HDGF: variants seen among roughly 807,000 people sequenced by gnomAD.
HDGF encodes the protein hepatoma-derived growth factor.
HDGF carries 5 observed loss-of-function variants against 30.0 expected under a neutral mutation model. The observed-to-expected ratio is 0.17, with a 90% confidence interval of 0.09 to 0.35. HDGF has a LOEUF of 0.35. Among genes scored for constraint, HDGF ranks in the 10% least tolerant of loss-of-function variants. The pLI is 1.00. For missense variants in HDGF, 214 were observed against 302.8 expected, an observed-to-expected ratio of 0.71 and a Z score of 2.18; for synonymous variants, 133 against 112.7, an observed-to-expected ratio of 1.18 and a Z score of -1.14.
At chr1:156,759,494 T>C (rs1225767265) in intron 1 of HDGF, among the ~76,000 whole-genome samples, 1 of 150,186 alleles carries the variant, frequency 6.7e-6, no homozygotes, top group African/African-American at 2.5e-5. Context: ...TTTTTTTTTT[T>C]TTTTTGAGAT....
rs906215912 is a variant in HDGF, at chr1:156,751,055, A to G, written c.87+288T>C. Among the ~76,000 whole-genome samples the G allele has an allele frequency of 6.6e-6, 1 of 151,782 alleles. No homozygotes were observed. The highest frequency in any genetic ancestry group is 1.5e-5 in the Non-Finnish European group (1 of 67,926). On this transcript the variant is annotated intron_variant, in intron 1 of 5. Coordinates refer to ENST00000357325, the MANE Select transcript of HDGF (RefSeq NM_004494.3). The surrounding 1 kb of genome is among the most constrained non-coding windows in gnomAD (Gnocchi z 4.7). ...AGTATGGGGGCTGGGGGCGGAACTG[A>G]GCACGCGGAGCTGGGGGCCGGGAAG...
At chr1:156,762,657 G>A (rs1348982723) in intron 1 of HDGF, among the ~76,000 whole-genome samples, 3 of 151,934 alleles carry the variant, frequency 2.0e-5, no homozygotes, top group African/African-American at 7.3e-5. Flanking sequence ...GATCACCTGA[G>A]GTCAGGAGTT....
intron 4 of HDGF, 88 bp from the exon 5 acceptor site, chr1:156,743,966 G>T: frequency 8.8e-7 from 1 of 1,131,424 alleles, no homozygotes; most frequent in Non-Finnish European, 1.3e-6. Context: ...TCCTTCCCAG[G>T]CTGACACCCA....
At chr1:156,748,753 C>A (rs1396522986) in intron 1 of HDGF, among the ~76,000 whole-genome samples, 1 of 152,214 alleles carries the variant, frequency 6.6e-6, no homozygotes, top group East Asian at 1.9e-4. Context: ...TAAGCACACA[C>A]TGGCTACCAG....
chr1:156,761,006 A>G (rs143066111), intron 1 of HDGF, among the ~76,000 whole-genome samples: 65 of 152,096 alleles, frequency 4.3e-4, no homozygotes, highest in African/African-American at 1.3e-3. Flanking sequence ...CCTGGGCTAC[A>G]TGGCAAAAAT....
rs1393348340 is a variant in HDGF at position 156,751,657 on chromosome 1, G to T, written c.-228C>A. 9.7e-7 allele frequency: 1 copy of T among 1,036,220 alleles called. No homozygotes were observed. Among genetic ancestry groups the T allele is most frequent in the African/African-American group, 1.7e-5 (1 of 58,090 alleles). 64.2% of individuals were successfully genotyped at this position (1,036,220 alleles called of 1,614,324 possible). A position where few individuals can be genotyped will look rare whatever the true frequency, so the allele number is the denominator to read the frequency against. ...GCTCCGGCGCGGTGGGTGCGCGCTC[G>T]TGCAGTTGTTTGTGTTTGAAATTCA... On this transcript the variant is annotated 5_prime_UTR_variant, in exon 1 of 6. Transcript: ENST00000357325. This position sits in a 1 kb window ranked among gnomAD's most constrained non-coding sequence, Gnocchi z 4.7.
intron 1 of HDGF, among the ~76,000 whole-genome samples, chr1:156,765,092 G>A (rs948684070): frequency 1.4e-5 from 2 of 146,762 alleles, no homozygotes; most frequent in African/African-American, 2.5e-5. Flanking sequence ...CGCCCCCCCC[G>A]CCCTTTTTTT....
In HDGF at chr1:156,751,574, G is replaced by A; in HGVS notation, c.-145C>T. On this transcript the variant is annotated 5_prime_UTR_variant, in exon 1 of 6. Coordinates refer to ENST00000357325, the MANE Select transcript of HDGF (RefSeq NM_004494.3). The surrounding 1 kb of genome is among the most constrained non-coding windows in gnomAD (Gnocchi z 4.7). ...TGGCCCCCGGCCCGAGCTCCGGCGCGGCCACGGCGTCTCCGCCCGCGCGCC... is the reference window on the plus strand; with the variant it reads ...TGGCCCCCGGCCCGAGCTCCGGCGCAGCCACGGCGTCTCCGCCCGCGCGCC... 2 of 985,998 alleles carry A rather than the reference G, an allele frequency of 2.0e-6. No individual in the cohort carries two copies. Among genetic ancestry groups the A allele is most frequent in the African/African-American group, 1.8e-5 (1 of 56,982 alleles). 61.1% of individuals were successfully genotyped at this position (985,998 alleles called of 1,614,324 possible). A position where few individuals can be genotyped will look rare whatever the true frequency, so the allele number is the denominator to read the frequency against.
At chr1:156,767,279 G>A (rs1651416555), upstream of HDGF, among the ~76,000 whole-genome samples, 1 of 152,136 alleles carries the variant, frequency 6.6e-6, no homozygotes, top group Non-Finnish European at 1.5e-5. Flanking sequence ...TGACTGCCGT[G>A]GTGACCGGTG....
At chr1:156,743,478 A>T in intron 5 of HDGF, 23 bp from the exon 6 acceptor site, 1 of 1,532,910 alleles carries the variant, frequency 6.5e-7, no homozygotes, top group South Asian at 1.3e-5. Context: ...GTTGGAGGGG[A>T]GAAGGGTTAA....
At chr1:156,749,600 C>T (rs1650828736) in intron 1 of HDGF, among the ~76,000 whole-genome samples, 1 of 152,190 alleles carries the variant, frequency 6.6e-6, no homozygotes, top group Admixed American at 6.5e-5. Flanking sequence ...CTGTCCTTCC[C>T]TTCTGTCCTG....
At chr1:156,754,917 C>T (rs950746454), upstream of HDGF, among the ~76,000 whole-genome samples, 7 of 152,198 alleles carry the variant, frequency 4.6e-5, no homozygotes, top group Non-Finnish European at 8.8e-5. Flanking sequence ...CATTGCACTC[C>T]AGCCTGGGCA....
upstream of HDGF, among the ~76,000 whole-genome samples, chr1:156,753,895 GTTTT>G (rs1162234267): frequency 1.3e-5 from 2 of 151,530 alleles, no homozygotes; most frequent in Admixed American, 6.6e-5. Flanking sequence ...AACAAACATG[GTTTT>G]TTGTTTGTTT....
At chr1:156,745,507 T>G in intron 1 of HDGF, 134 bp from the exon 2 acceptor site, 1 of 686,730 alleles carries the variant, frequency 1.5e-6, no homozygotes, top group Non-Finnish European at 2.5e-6. Context: ...AGATGGCTTT[T>G]GGGCCATTTT....
chr1:156,758,602 A>AAAAAATAC, intron 2 of HDGF, among the ~76,000 whole-genome samples: 1 of 4,238 alleles, frequency 2.4e-4, no homozygotes, highest in Non-Finnish European at 2.0e-3. Flanking sequence ...CAAAAAAAAA[A>AAAAAATAC]ATAAATAAAT....
chr1:156,761,939 C>CAA (rs112163886), intron 1 of HDGF, among the ~76,000 whole-genome samples: 13,649 of 128,336 alleles, frequency 0.11, 1,086 homozygotes, highest in African/African-American at 0.2. Flanking sequence ...GTCTCCATCT[C>CAA]AAAAAAAAAA....
chr1:156,759,763 A>G (rs1460674828), intron 1 of HDGF, among the ~76,000 whole-genome samples: 1 of 152,180 alleles, frequency 6.6e-6, no homozygotes, highest in East Asian at 1.9e-4. Context: ...TACAGGCATG[A>G]GCCACCGTGC....
intron 1 of HDGF, among the ~76,000 whole-genome samples, chr1:156,748,103 A>G (rs1316554989): frequency 2.0e-5 from 3 of 152,096 alleles, no homozygotes; most frequent in Non-Finnish European, 4.4e-5. Context: ...GCAGATAGGC[A>G]TCTCCCCCCA....
At chr1:156,752,166 G>C (rs972742774), upstream of HDGF, 16 of 1,551,544 alleles carry the variant, frequency 1.0e-5, no homozygotes, top group Admixed American at 5.9e-5. Flanking sequence ...CGCCGAGGGC[G>C]AGAGGAGTGG....
Sources: gnomAD v4.1 joint callset for allele counts (sites outside exome capture counted in the v4.1 genomes callset) on GRCh38, gnomAD v4.1.1 for gene constraint, Gnocchi (gnomAD v3.1) non-coding constraint, MANE v1.5 for transcripts, NCBI Gene and HGNC (gene_info 2026-07-23, HGNC 2026-07-21) for gene names.